Variants in PROS1 observed in about 807,000 individuals in gnomAD.
PROS1 encodes vitamin K-dependent protein S.
PROS1 carries 29 observed loss-of-function variants against 75.9 expected under a neutral mutation model. The ratio of observed to expected loss-of-function variants is 0.38; its 90% CI spans 0.28 to 0.52. The LOEUF is 0.52. Among genes scored for constraint, PROS1 ranks in the 20% least tolerant of loss-of-function variants. The probability of loss-of-function intolerance (pLI) is 0.83; values close to 1 mark genes in which losing one functional copy is unlikely to be tolerated. For missense variants in PROS1, 680 were observed against 810.3 expected, an observed-to-expected ratio of 0.84 and a Z score of 1.95; for synonymous variants, 245 against 280.6, an observed-to-expected ratio of 0.87 and a Z score of 1.27.
At chr3:93,921,355 G>A (rs977897441) in intron 3 of PROS1, among the ~76,000 whole-genome samples, 2 of 152,112 alleles carry the variant, frequency 1.3e-5, no homozygotes, top group Non-Finnish European at 1.5e-5. Context: ...ATTTTAAAAT[G>A]AGTTTACTAA....
chr3:93,898,620 C>A, intron 7 of PROS1, 51 bp from the exon 8 acceptor site: 1 of 1,593,824 alleles, frequency 6.3e-7, no homozygotes, highest in South Asian at 1.1e-5. Context: ...CCTAAATGTT[C>A]AATCTTATAG....
At chr3:93,938,065 C>A (rs1226534133) in intron 1 of PROS1, among the ~76,000 whole-genome samples, 1 of 152,190 alleles carries the variant, frequency 6.6e-6, no homozygotes, top group East Asian at 1.9e-4. Flanking sequence ...TGTCAGGCCT[C>A]TGAGCCCAAG....
intron 1 of PROS1, among the ~76,000 whole-genome samples, chr3:93,968,769 G>A (rs1465956713): frequency 2.0e-5 from 3 of 152,058 alleles, no homozygotes; most frequent in Admixed American, 2.0e-4. Flanking sequence ...ATGTTAGAAG[G>A]AAGACAATAA....
At chr3:93,886,123 T>C (rs1708342709) in intron 11 of PROS1, among the ~76,000 whole-genome samples, 1 of 152,178 alleles carries the variant, frequency 6.6e-6, no homozygotes, top group Non-Finnish European at 1.5e-5. Context: ...ATGCTGGGGA[T>C]TTAAATGGGC....
At chr3:93,930,335 C>T (rs770173349) in intron 1 of PROS1, among the ~76,000 whole-genome samples, 10 of 152,276 alleles carry the variant, frequency 6.6e-5, no homozygotes, top group South Asian at 2.1e-4. Flanking sequence ...AGTAGTTTTA[C>T]GCATGCTAGT....
intron 1 of PROS1, among the ~76,000 whole-genome samples, chr3:93,966,827 A>G (rs1478469132): frequency 1.3e-5 from 2 of 151,532 alleles, no homozygotes; most frequent in African/African-American, 2.4e-5. Context: ...AAAAAAAAAA[A>G]GAAGAAGGCA....
At chr3:93,917,687 G>A (rs377612903) in intron 3 of PROS1, among the ~76,000 whole-genome samples, 49 of 152,242 alleles carry the variant, frequency 3.2e-4, no homozygotes, top group Middle Eastern at 6.8e-3. Flanking sequence ...CGGAGCAGCC[G>A]GCCGGCCCTG....
At chr3:93,907,928 AAGGC>A (rs1353525139) in intron 4 of PROS1, among the ~76,000 whole-genome samples, 1 of 152,156 alleles carries the variant, frequency 6.6e-6, no homozygotes, top group Non-Finnish European at 1.5e-5. Flanking sequence ...TTGGGAGACC[AAGGC>A]AGGCAGGCAG....
intron 2 of PROS1, among the ~76,000 whole-genome samples, chr3:93,925,766 T>C (rs964671275): frequency 4.2e-5 from 6 of 142,122 alleles, no homozygotes; most frequent in Non-Finnish European, 9.0e-5. Context: ...AGGGCTGCAG[T>C]GAACCATGAT....
chr3:93,888,744 G>A (rs1195177801), intron 10 of PROS1, among the ~76,000 whole-genome samples: 1 of 152,106 alleles, frequency 6.6e-6, no homozygotes. Context: ...TATTCCAACA[G>A]TCTCCTAACT....
chr3:93,944,115 T>C (rs1175291875), intron 1 of PROS1, among the ~76,000 whole-genome samples: 1 of 152,182 alleles, frequency 6.6e-6, no homozygotes, highest in Non-Finnish European at 1.5e-5. Flanking sequence ...ATTGCATATG[T>C]ATACAAGAAA....
At chr3:93,958,409 C>A (rs928086349) in intron 1 of PROS1, 1 of 152,146 alleles carries the variant, frequency 6.6e-6, no homozygotes, top group Non-Finnish European at 1.5e-5. Flanking sequence ...GATATGAAAC[C>A]CAATCCTACA....
chr3:93,893,199 C>T, intron 9 of PROS1, 77 bp from the exon 10 acceptor site: 1 of 1,286,792 alleles, frequency 7.8e-7, no homozygotes. Flanking sequence ...TTTTCTTGTA[C>T]TGACAAACAG....
intron 1 of PROS1, among the ~76,000 whole-genome samples, chr3:93,954,277 A>G (rs559076554): frequency 6.6e-6 from 1 of 152,316 alleles, no homozygotes; most frequent in South Asian, 2.1e-4. Context: ...AGACAATCCT[A>G]AGACAAAAGA....
At chr3:93,973,438 G>A (rs1709911866) in intron 1 of PROS1, 2 of 522,040 alleles carry the variant, frequency 3.8e-6, no homozygotes, top group Non-Finnish European at 7.0e-6. Context: ...TGTCATCTAG[G>A]TTCTTAGATC....
At chr3:93,903,623 C>T (rs1708630216) in intron 6 of PROS1, among the ~76,000 whole-genome samples, 2 of 152,060 alleles carry the variant, frequency 1.3e-5, no homozygotes, top group South Asian at 4.1e-4. Flanking sequence ...GAGATCGTTC[C>T]ACTGCACTCC....
intron 3 of PROS1, among the ~76,000 whole-genome samples, chr3:93,922,947 T>C (rs1708964055): frequency 6.6e-6 from 1 of 152,236 alleles, no homozygotes. Flanking sequence ...TTAAGTTATT[T>C]ATGTACGTTG....
At chr3:93,922,911 A>G (rs1228455086) in intron 3 of PROS1, among the ~76,000 whole-genome samples, 1 of 152,252 alleles carries the variant, frequency 6.6e-6, no homozygotes, top group Non-Finnish European at 1.5e-5. Flanking sequence ...ATTAAACAAG[A>G]ATACATCTGA....
intron 12 of PROS1, among the ~76,000 whole-genome samples, chr3:93,882,321 G>T (rs1206890353): frequency 6.6e-6 from 1 of 152,152 alleles, no homozygotes; most frequent in East Asian, 1.9e-4. Flanking sequence ...GTATGATTTA[G>T]GATGTTCACA....
Sources: gnomAD v4.1 joint callset for allele counts (sites outside exome capture counted in the v4.1 genomes callset) on GRCh38, gnomAD v4.1.1 for gene constraint, MANE v1.5 for transcripts, NCBI Gene and HGNC (gene_info 2026-07-23, HGNC 2026-07-21) for gene names.